IL34: variants seen among roughly 807,000 people sequenced by gnomAD.
IL34 encodes interleukin 34.
IL34 carries 17 observed loss-of-function variants against 25.3 expected under a neutral mutation model. That is an observed-to-expected ratio of 0.67 (90% CI 0.46 to 1.01). The LOEUF (loss-of-function observed/expected upper bound fraction) is 1.01. IL34 is among the 50% of genes least tolerant of loss of function. The pLI, the probability that IL34 is intolerant of heterozygous loss-of-function variation, is 0.00. For missense variants in IL34, 368 were observed against 312.9 expected, an observed-to-expected ratio of 1.18 and a Z score of -1.33; for synonymous variants, 174 against 140.9, an observed-to-expected ratio of 1.23 and a Z score of -1.66.
At chr16:70,627,921 C>T (rs2051431752) in intron 1 of IL34, among the ~76,000 whole-genome samples, 1 of 152,096 alleles carries the variant, frequency 6.6e-6, no homozygotes, top group Non-Finnish European at 1.5e-5. Context: ...GCTTTTGGTG[C>T]CCATGTATAC....
chr16:70,606,261 G>C lies in IL34; in HGVS notation c.-401+26212G>C, dbSNP rs552197206. Reference sequence around the variant, plus strand: ...AAAATACAAAAAATTAGCCAGGCGTGGTGGTGGGTGCCTGTAGTCCCACCT... The same window carrying C: ...AAAATACAAAAAATTAGCCAGGCGTCGTGGTGGGTGCCTGTAGTCCCACCT... On this transcript the variant is annotated intron_variant, in intron 1 of 6. Coordinates refer to the IL34 transcript ENST00000429149. Among the ~76,000 whole-genome samples the C allele has an allele frequency of 1.2e-3, 184 of 151,936 alleles. 1 individual carries two copies. The highest frequency in any genetic ancestry group is 4.2e-3 in the African/African-American group (174 of 41,436).
At chr16:70,590,280 A>T (rs2050737632) in intron 1 of IL34, among the ~76,000 whole-genome samples, 1 of 152,176 alleles carries the variant, frequency 6.6e-6, no homozygotes, top group African/African-American at 2.4e-5. Context: ...AATCACTCCC[A>T]CTAAGGGGCA....
At chr16:70,640,230 C>G (rs2051749274) in intron 1 of IL34, among the ~76,000 whole-genome samples, 1 of 152,138 alleles carries the variant, frequency 6.6e-6, no homozygotes, top group South Asian at 2.1e-4. Flanking sequence ...CAGCCTTGGC[C>G]TCCTGGGCTC....
intron 1 of IL34, among the ~76,000 whole-genome samples, chr16:70,615,467 A>C (rs886604826): frequency 1.3e-5 from 2 of 152,110 alleles, no homozygotes; most frequent in Non-Finnish European, 2.9e-5. Flanking sequence ...AGATTGCGCC[A>C]CTGCACTCCA....
At chr16:70,656,373 T>C (rs1360607003) in intron 2 of IL34, among the ~76,000 whole-genome samples, 1 of 151,990 alleles carries the variant, frequency 6.6e-6, no homozygotes, top group Admixed American at 6.6e-5. Flanking sequence ...AAAAAAATCA[T>C]CTGGGCGTGG....
chr16:70,656,482 G>C, intron 2 of IL34, 120 bp from the exon 3 acceptor site: 1 of 732,498 alleles, frequency 1.4e-6, no homozygotes, highest in Non-Finnish European at 2.5e-6. Flanking sequence ...TGCTGCCCCT[G>C]CACTCCATAC....
chr16:70,607,022 A>G (rs2051015810), intron 1 of IL34, among the ~76,000 whole-genome samples: 1 of 152,160 alleles, frequency 6.6e-6, no homozygotes, highest in Non-Finnish European at 1.5e-5. Context: ...GATTTTTGTT[A>G]TGTCGATCTG....
At chr16:70,589,865 CGCCT>C (rs1173435352) in intron 1 of IL34, among the ~76,000 whole-genome samples, 1 of 152,130 alleles carries the variant, frequency 6.6e-6, no homozygotes, top group Admixed American at 6.6e-5. Context: ...TCAAATGATC[CGCCT>C]GCCTCGGCCT....
rs1003975185 is a variant in IL34, at chr16:70,646,673, C to A, written c.-275C>A. 1.4e-5 allele frequency: 6 copies of A among 439,546 alleles called. No individual in the cohort carries two copies. The Admixed American group carries it at 2.7e-4, about 19-fold the overall frequency. 27.2% of individuals were successfully genotyped at this position (439,546 alleles called of 1,614,324 possible). On this transcript the variant is annotated 5_prime_UTR_variant, in exon 1 of 6. Coordinates refer to ENST00000288098, the MANE Select transcript of IL34 (RefSeq NM_001393494.1). Reference sequence around the variant, plus strand: ...CCTTGGAAAGGAAGACCCCGAAAGACCCCCAAGCCACCGGCTCAGACCTGC... The same window carrying A: ...CCTTGGAAAGGAAGACCCCGAAAGAACCCCAAGCCACCGGCTCAGACCTGC...
rs1189777156 is a variant in IL34, at chr16:70,632,118, A to AGAG, written c.-400-14430_-400-14429insGAG. On this transcript the variant is annotated intron_variant, in intron 1 of 6. Coordinates refer to the IL34 transcript ENST00000429149. ...CCCTGTCTCAAAAAAAAAAAAAAAAAAGAGAAGATAATAGTTCCCAACTCC... is the reference window on the plus strand; with the variant it reads ...CCCTGTCTCAAAAAAAAAAAAAAAAAGAGAGAGAAGATAATAGTTCCCAACTCC... 7.2e-3 allele frequency among the ~76,000 whole-genome samples: 1,084 copies of AGAG among 150,630 alleles called. 12 individuals are homozygous for AGAG. Among genetic ancestry groups the AGAG allele is most frequent in the African/African-American group, 0.022 (903 of 40,674 alleles).
intron 1 of IL34, among the ~76,000 whole-genome samples, chr16:70,624,041 G>C (rs544798458): frequency 6.6e-6 from 1 of 151,974 alleles, no homozygotes; most frequent in Admixed American, 6.6e-5. Context: ...AGGTGATCAG[G>C]CAGCGTCAGT....
intron 1 of IL34, among the ~76,000 whole-genome samples, chr16:70,589,622 AT>A (rs34813482): frequency 0.37 from 50,935 of 136,538 alleles, 8,416 homozygotes; most frequent in South Asian, 0.59. Context: ...TTTTACCATG[AT>A]TTTTTTTTTT....
intron 3 of IL34, 136 bp downstream of exon 3, chr16:70,656,815 C>G: frequency 9.4e-7 from 1 of 1,064,618 alleles, no homozygotes; most frequent in Non-Finnish European, 1.4e-6. Context: ...GCAGGCTGGC[C>G]CTTGGCCCAG....
chr16:70,632,507 G>A (rs11866403), intron 1 of IL34, among the ~76,000 whole-genome samples: 50,980 of 152,040 alleles, frequency 0.34, 8,699 homozygotes, highest in South Asian at 0.47. Flanking sequence ...AATGGGAAGA[G>A]GAGCTGGGCC....
intron 1 of IL34, among the ~76,000 whole-genome samples, chr16:70,653,264 G>T (rs1234437855): frequency 6.6e-6 from 1 of 150,424 alleles, no homozygotes; most frequent in African/African-American, 2.5e-5. Flanking sequence ...TCTCATCCCA[G>T]CTACTCAGGA....
At chr16:70,589,062 T>G (rs1292018170) in intron 1 of IL34, among the ~76,000 whole-genome samples, 1 of 152,026 alleles carries the variant, frequency 6.6e-6, no homozygotes, top group Non-Finnish European at 1.5e-5. Flanking sequence ...CTGAGCGTGG[T>G]GGCGGGCACC....
chr16:70,638,983 T>C (rs2051719592), intron 1 of IL34, among the ~76,000 whole-genome samples: 1 of 152,202 alleles, frequency 6.6e-6, no homozygotes, highest in Non-Finnish European at 1.5e-5. Context: ...AGGGGTGTTG[T>C]GGTAGACACC....
At chr16:70,657,851 C>A (rs933937075) in intron 4 of IL34, among the ~76,000 whole-genome samples, 4 of 152,134 alleles carry the variant, frequency 2.6e-5, no homozygotes, top group African/African-American at 9.7e-5. Flanking sequence ...TTGTCACAAC[C>A]CACAGAACTG....
At chr16:70,638,409 T>G (rs574613523) in intron 1 of IL34, among the ~76,000 whole-genome samples, 5 of 151,114 alleles carry the variant, frequency 3.3e-5, no homozygotes, top group African/African-American at 1.2e-4. Context: ...CCCAGGAGTT[T>G]GAGGCAACAG....
Sources: gnomAD v4.1 joint callset for allele counts (sites outside exome capture counted in the v4.1 genomes callset) on GRCh38, gnomAD v4.1.1 for gene constraint, MANE v1.5 for transcripts, NCBI Gene and HGNC (gene_info 2026-07-23, HGNC 2026-07-21) for gene names.